The following MTARC1 variants were observed in gnomAD, a reference collection of about 807,000 sequenced individuals.
MTARC1 encodes the protein mitochondrial amidoxime reducing component 1.
MTARC1 carries 24 observed loss-of-function variants against 33.6 expected under a neutral mutation model. That is an observed-to-expected ratio of 0.72 (90% confidence interval 0.52 to 1.01). MTARC1 has a LOEUF of 1.01. MTARC1 is among the 50% of genes least tolerant of loss of function. The probability of loss-of-function intolerance (pLI) is 0.00; values close to 1 mark genes in which losing one functional copy is unlikely to be tolerated. For synonymous variants in MTARC1, 187 were observed against 189.5 expected, an observed-to-expected ratio of 0.99 and a Z score of 0.11; for missense variants, 417 against 445.7, an observed-to-expected ratio of 0.94 and a Z score of 0.58.
chr1:220,810,302 T>G (rs1199155446), intron 6 of MTARC1, among the ~76,000 whole-genome samples: 2 of 152,176 alleles, frequency 1.3e-5, no homozygotes, highest in Non-Finnish European at 2.9e-5. Flanking sequence ...TTGCAATACC[T>G]CTTAGTGCCA....
chr1:220,799,558 A>G (rs989560659), intron 4 of MTARC1, among the ~76,000 whole-genome samples: 2 of 152,174 alleles, frequency 1.3e-5, no homozygotes, highest in South Asian at 2.1e-4. Context: ...GTTGCGCTTA[A>G]GTATGTTGTC....
intron 4 of MTARC1, among the ~76,000 whole-genome samples, chr1:220,802,625 C>A (rs1006150745): frequency 2.0e-5 from 3 of 152,242 alleles, no homozygotes; most frequent in African/African-American, 7.2e-5. Flanking sequence ...AGCCACTGCG[C>A]CTGGCCCCCA....
At chr1:220,804,664 A>G (rs992224215) in intron 4 of MTARC1, among the ~76,000 whole-genome samples, 2 of 152,144 alleles carry the variant, frequency 1.3e-5, no homozygotes, top group African/African-American at 4.8e-5. Flanking sequence ...GGGATCTGAT[A>G]TAATCTGAAG....
chr1:220,806,447 C>A (rs1202716326), intron 6 of MTARC1, among the ~76,000 whole-genome samples: 1 of 152,312 alleles, frequency 6.6e-6, no homozygotes, highest in East Asian at 1.9e-4. Context: ...TATCTTGTAT[C>A]CAAACCATCA....
chr1:220,810,459 C>A (rs996380119), intron 6 of MTARC1, among the ~76,000 whole-genome samples: 1 of 152,154 alleles, frequency 6.6e-6, no homozygotes, highest in African/African-American at 2.4e-5. Flanking sequence ...GCCGGCCCAC[C>A]GAGAACCCCT....
At position 220,813,341 on chromosome 1, in the gene MTARC1, C is replaced by CTCTTTGGGCAGT; in HGVS notation, c.938_949dup (p.Gln316_Tyr317insPhePheGlyGln). 1 of 1,614,156 alleles carries CTCTTTGGGCAGT rather than the reference C, an allele frequency of 6.2e-7. No individual in the cohort carries two copies. Among genetic ancestry groups the CTCTTTGGGCAGT allele is most frequent in the Non-Finnish European group, 8.5e-7 (1 of 1,180,036 alleles). ...ACGAAAGTTATATGGAAAATCACCA[C>CTCTTTGGGCAGT]TCTTTGGGCAGTATTTTGTGCTGGA... is the stretch of plus-strand genomic sequence containing the variant. On this transcript the variant is annotated inframe_insertion, in exon 7 of 7. Transcript: ENST00000366910.
In MTARC1 at chr1:220,815,333, C is replaced by G. The variant is rs1411921935; in HGVS notation, c.*1915C>G. ...CTTCCTAGGTATTTATAATTAGTGG[C>G]AAGTGAAAGCCTTAGTCCTGAATTT... On this transcript the variant is annotated 3_prime_UTR_variant, in exon 7 of 7. Transcript: ENST00000366910. 6.6e-6 allele frequency: 1 copy of G among 152,210 alleles called. No individual in the cohort carries two copies. Among genetic ancestry groups the G allele is most frequent in the African/African-American group, 2.4e-5 (1 of 41,454 alleles). The allele number at this position is 152,210 out of a possible 1,614,324, so 9.4% of individuals were successfully genotyped here.
rs1673261259 is a variant in MTARC1 at position 220,815,424 on chromosome 1, C to T, written c.*2006C>T. 1 of 152,276 alleles carries T rather than the reference C, an allele frequency of 6.6e-6. No homozygotes were observed. Among genetic ancestry groups the T allele is most frequent in the Non-Finnish European group, 1.5e-5 (1 of 68,086 alleles). The allele number at this position is 152,276 out of a possible 1,614,324, so 9.4% of individuals were successfully genotyped here. ...CGTCCGGGCAGTAACCATCATTCTC[C>T]ATGGACAGGCTCTCGGGGTAGCTAG... On this transcript the variant is annotated 3_prime_UTR_variant, in exon 7 of 7. Transcript: ENST00000366910.
At chr1:220,794,878 T>C (rs1672555977) in intron 2 of MTARC1, among the ~76,000 whole-genome samples, 1 of 152,194 alleles carries the variant, frequency 6.6e-6, no homozygotes, top group South Asian at 2.1e-4. Context: ...AGCAGTGTAC[T>C]TTTCTGCATG....
intron 4 of MTARC1, among the ~76,000 whole-genome samples, chr1:220,801,759 C>A (rs2642446): frequency 0.068 from 10,403 of 152,042 alleles, 995 homozygotes; most frequent in African/African-American, 0.22. Context: ...GAAGGATTAG[C>A]GCAGGCGGGG....
intron 4 of MTARC1, 164 bp downstream of exon 4, chr1:220,798,178 A>T (rs747326507): frequency 6.4e-7 from 1 of 1,566,494 alleles, no homozygotes; most frequent in South Asian, 1.1e-5. Context: ...ATAAGTGCAG[A>T]CTTCTGTGTG....
At chr1:220,798,785 G>C (rs1672698288) in intron 4 of MTARC1, 3 of 903,278 alleles carry the variant, frequency 3.3e-6, no homozygotes, top group Non-Finnish European at 4.0e-6. Context: ...GAGAGGTAAA[G>C]GGGACCATAT....
intron 4 of MTARC1, among the ~76,000 whole-genome samples, chr1:220,800,973 C>G (rs4846331): frequency 0.55 from 83,357 of 151,878 alleles, 23,061 homozygotes; most frequent in Admixed American, 0.65. Context: ...CCTCCTTGCC[C>G]CACCCTTGAC....
chr1:220,815,823 G>A lies in MTARC1; in HGVS notation c.*2405G>A, dbSNP rs1417506726. The A allele has an allele frequency of 1.3e-5, 2 of 152,110 alleles. No individual in the cohort carries two copies. Among genetic ancestry groups the A allele is most frequent in the Non-Finnish European group, 2.9e-5 (2 of 68,034 alleles). The allele number at this position is 152,110 out of a possible 1,614,324, so 9.4% of individuals were successfully genotyped here. A position where few individuals can be genotyped will look rare whatever the true frequency, so the allele number is the denominator to read the frequency against. On this transcript the variant is annotated 3_prime_UTR_variant, in exon 7 of 7. Transcript: ENST00000366910. ...AGATCAGGCCAAAATATCCACCCTC[G>A]GTGGGCATCTCCTCTGTGTGGCAAC...
At chr1:220,803,494 T>C (rs1672876285) in intron 4 of MTARC1, among the ~76,000 whole-genome samples, 1 of 152,158 alleles carries the variant, frequency 6.6e-6, no homozygotes, top group Non-Finnish European at 1.5e-5. Context: ...TGACATTCTC[T>C]AAAAGCCTGG....
At chr1:220,797,793 G>C in intron 3 of MTARC1, 81 bp from the exon 4 acceptor site, 1 of 1,328,238 alleles carries the variant, frequency 7.5e-7, no homozygotes, top group Non-Finnish European at 1.1e-6. Flanking sequence ...GAGCATGGAG[G>C]CTATGTCTAG....
At chr1:220,810,708 A>T (rs1673106002) in intron 6 of MTARC1, among the ~76,000 whole-genome samples, 1 of 151,138 alleles carries the variant, frequency 6.6e-6, no homozygotes, top group Non-Finnish European at 1.5e-5. Flanking sequence ...GAAAAATGTA[A>T]GTGGCTAGAA....
intron 2 of MTARC1, chr1:220,793,156 C>T (rs1385839795): frequency 6.6e-6 from 1 of 152,018 alleles, no homozygotes; most frequent in African/African-American, 2.4e-5. Flanking sequence ...TTTTTATGGG[C>T]AAAAATGATA....
At position 220,813,368 on chromosome 1, in the gene MTARC1, A is replaced by T; in HGVS notation, c.964A>T (p.Asn322Tyr). The change falls in exon 7 of 7, where the codon AAC (asparagine) becomes TAC (tyrosine). Residue 322 changes from asparagine to tyrosine, a missense_variant. Coordinates refer to ENST00000366910, the MANE Select transcript of MTARC1 (RefSeq NM_022746.4). ...PLFGQYFVLENPGTIKVGDPV... is the reference protein window; with the variant it reads ...PLFGQYFVLEYPGTIKVGDPV... Reference sequence around the variant, plus strand: ...CTTTGGGCAGTATTTTGTGCTGGAAAACCCAGGGACCATCAAAGTGGGAGA... The same window carrying T: ...CTTTGGGCAGTATTTTGTGCTGGAATACCCAGGGACCATCAAAGTGGGAGA... 6.2e-7 allele frequency: 1 copy of T among 1,614,126 alleles called. No individual in the cohort carries two copies. The highest frequency in any genetic ancestry group is 1.7e-5 in the Admixed American group (1 of 60,024).
Sources: gnomAD v4.1 joint callset for allele counts (sites outside exome capture counted in the v4.1 genomes callset) on GRCh38, gnomAD v4.1.1 for gene constraint, MANE v1.5 for transcripts, NCBI Gene and HGNC (gene_info 2026-07-23, HGNC 2026-07-21) for gene names.